Variants in ITCH observed in about 807,000 individuals in gnomAD.
ITCH encodes the protein E3 ubiquitin-protein ligase Itchy homolog.
Under a neutral mutation model 126.8 loss-of-function variants are expected in ITCH, and 28 were observed. That is an observed-to-expected ratio of 0.22 (90% CI 0.16 to 0.30). ITCH has a LOEUF of 0.30. ITCH is among the 10% of genes least tolerant of loss of function. The pLI is 1.00. For missense variants in ITCH, 631 were observed against 1,032.4 expected, an observed-to-expected ratio of 0.61 and a Z score of 5.33; for synonymous variants, 342 against 340.0, an observed-to-expected ratio of 1.01 and a Z score of -0.06.
intron 16 of ITCH, chr20:34,476,500 A>ATT: frequency 8.4e-7 from 1 of 1,187,158 alleles, no homozygotes. Context: ...ACTCAAAAGG[A>ATT]ATTATTTAAA....
chr20:34,400,155 T>A (rs2038822584), intron 3 of ITCH, among the ~76,000 whole-genome samples: 1 of 152,056 alleles, frequency 6.6e-6, no homozygotes, highest in Non-Finnish European at 1.5e-5. Flanking sequence ...GCCAAGATGG[T>A]CTTGATCTCC....
Position 34,483,707 on chromosome 20 carries a change from A to G in ITCH, c.2093+2501A>G, listed in dbSNP as rs572085736. The stretch of plus-strand genomic sequence containing the variant: ...TTTCCTGTCTTCTTCTGAGCCCTCC[A>G]AACTGTTCCAACGTCTGCCTGTTAC... On this transcript the variant is annotated intron_variant, in intron 20 of 24. Coordinates refer to ENST00000374864, the MANE Select transcript of ITCH (RefSeq NM_031483.7). 2.0e-5 allele frequency among the ~76,000 whole-genome samples: 3 copies of G among 152,200 alleles called. No homozygotes were observed. The East Asian group carries it at 5.8e-4, about 29-fold the overall frequency.
intron 6 of ITCH, chr20:34,417,122 G>A (rs1979984683): frequency 3.0e-6 from 2 of 672,542 alleles, no homozygotes; most frequent in Non-Finnish European, 5.4e-6. Flanking sequence ...TTTAGATGGG[G>A]TTTCGCTCTG....
At chr20:34,394,640 G>A (rs1004334318) in intron 3 of ITCH, among the ~76,000 whole-genome samples, 7 of 152,208 alleles carry the variant, frequency 4.6e-5, no homozygotes, top group African/African-American at 1.7e-4. Flanking sequence ...ACTAGGGCCT[G>A]ACAAAAGGCA....
At chr20:34,365,940 A>G (rs2037405949) in intron 1 of ITCH, among the ~76,000 whole-genome samples, 1 of 152,196 alleles carries the variant, frequency 6.6e-6, no homozygotes, top group Non-Finnish European at 1.5e-5. Context: ...AGACTTACCA[A>G]GGAAAGGTCA....
intron 10 of ITCH, among the ~76,000 whole-genome samples, chr20:34,444,715 C>T (rs1984221148): frequency 6.6e-6 from 1 of 152,220 alleles, no homozygotes; most frequent in Non-Finnish European, 1.5e-5. Context: ...GATCTCGGCT[C>T]ACTGCAGCCC....
intron 3 of ITCH, among the ~76,000 whole-genome samples, chr20:34,404,946 C>T (rs1026063896): frequency 2.6e-5 from 4 of 151,334 alleles, no homozygotes; most frequent in African/African-American, 9.7e-5. Flanking sequence ...CCAACTTGGG[C>T]AACATGTCAA....
At chr20:34,494,135 A>G (rs190253409) in intron 23 of ITCH, among the ~76,000 whole-genome samples, 1 of 152,294 alleles carries the variant, frequency 6.6e-6, no homozygotes, top group African/African-American at 2.4e-5. Context: ...AGGCTGAGGC[A>G]GGGAGAATCG....
intron 3 of ITCH, among the ~76,000 whole-genome samples, chr20:34,401,298 C>T (rs1299061187): frequency 1.3e-5 from 2 of 151,490 alleles, no homozygotes; most frequent in South Asian, 2.1e-4. Context: ...TTTTTTTTGA[C>T]CGGGAAATTT....
At chr20:34,500,646 A>G (rs1381013017) in intron 23 of ITCH, among the ~76,000 whole-genome samples, 1 of 152,134 alleles carries the variant, frequency 6.6e-6, no homozygotes, top group Non-Finnish European at 1.5e-5. Context: ...TCTTTTTAGT[A>G]GGGAATTTAT....
intron 2 of ITCH, among the ~76,000 whole-genome samples, chr20:34,393,167 A>AG (rs2038546841): frequency 6.6e-6 from 1 of 152,090 alleles, no homozygotes; most frequent in African/African-American, 2.4e-5. Context: ...CACTGGGCAA[A>AG]GGGGAAGTCT....
chr20:34,471,967 G>A (rs1309727986), intron 16 of ITCH, among the ~76,000 whole-genome samples: 3 of 152,116 alleles, frequency 2.0e-5, no homozygotes, highest in African/African-American at 7.2e-5. Flanking sequence ...TTTACAATAA[G>A]CGTATGTTAC....
intron 6 of ITCH, among the ~76,000 whole-genome samples, chr20:34,418,540 G>A (rs1306129553): frequency 6.6e-6 from 1 of 151,940 alleles, no homozygotes; most frequent in East Asian, 1.9e-4. Flanking sequence ...TTCTAAGAAA[G>A]TAGCCTAAAT....
At chr20:34,442,924 C>T (rs1338651169) in intron 10 of ITCH, among the ~76,000 whole-genome samples, 6 of 149,390 alleles carry the variant, frequency 4.0e-5, no homozygotes, top group African/African-American at 9.8e-5. Context: ...TGCAGTGAGC[C>T]GAGATCTCGC....
intron 11 of ITCH, among the ~76,000 whole-genome samples, chr20:34,448,126 A>C (rs1309083513): frequency 6.6e-6 from 1 of 152,228 alleles, no homozygotes; most frequent in Non-Finnish European, 1.5e-5. Context: ...GCGGTGGCTC[A>C]CACCTGTACT....
chr20:34,471,399 C>A (rs371636128), intron 15 of ITCH, 45 bp from the exon 16 acceptor site: 23 of 1,105,524 alleles, frequency 2.1e-5, no homozygotes, highest in Non-Finnish European at 3.1e-5. Context: ...TTTTGATAGG[C>A]TATTTTAATG....
intron 16 of ITCH, among the ~76,000 whole-genome samples, chr20:34,473,170 A>G (rs1987808906): frequency 6.6e-6 from 1 of 152,178 alleles, no homozygotes. Context: ...AATTAGCATC[A>G]GATTTTCTTT....
At chr20:34,446,404 C>A (rs1024379349) in intron 11 of ITCH, among the ~76,000 whole-genome samples, 1 of 152,152 alleles carries the variant, frequency 6.6e-6, no homozygotes, top group Non-Finnish European at 1.5e-5. Context: ...TCTTCATATT[C>A]TTGTCTATTC....
Position 34,393,796 on chromosome 20 carries a change from C to T in ITCH, c.-16C>T. On this transcript the variant is annotated 5_prime_UTR_variant, in exon 3 of 25. Coordinates refer to ENST00000374864, the MANE Select transcript of ITCH (RefSeq NM_031483.7). Reference sequence around the variant, plus strand: ...GTCTCCTTTGCCATGTTCAGGTTTTCCAACCTATTGGTGGTATGTCTGACA... The same window carrying T: ...GTCTCCTTTGCCATGTTCAGGTTTTTCAACCTATTGGTGGTATGTCTGACA... 5 of 1,606,128 alleles carry T rather than the reference C, an allele frequency of 3.1e-6. No individual in the cohort carries two copies. Among genetic ancestry groups the T allele is most frequent in the Non-Finnish European group, 4.3e-6 (5 of 1,172,788 alleles).
Sources: gnomAD v4.1 joint callset for allele counts (sites outside exome capture counted in the v4.1 genomes callset) on GRCh38, gnomAD v4.1.1 for gene constraint, MANE v1.5 for transcripts, NCBI Gene and HGNC (gene_info 2026-07-23, HGNC 2026-07-21) for gene names.